Variants in NEK10 observed in about 807,000 individuals in gnomAD.
NEK10 encodes serine/threonine-protein kinase Nek10.
NEK10 carries 122 observed loss-of-function variants against 159.8 expected under a neutral mutation model. The observed-to-expected ratio is 0.76, with a 90% CI of 0.66 to 0.89. The LOEUF is 0.89. Ranked by LOEUF, NEK10 falls within the 40% of genes least tolerant of loss-of-function variation. NEK10 has a pLI of 0.00. For synonymous variants in NEK10, 466 were observed against 457.1 expected (o/e 1.02, Z -0.25); for missense variants, 1,342 against 1,323.1 (o/e 1.01, Z -0.22).
At chr3:27,172,672 C>T (rs1031737788) in intron 28 of NEK10, among the ~76,000 whole-genome samples, 16 of 152,008 alleles carry the variant, frequency 1.1e-4, no homozygotes, top group African/African-American at 1.7e-4. Context: ...CTGAATTACC[C>T]ATACAATGTA....
chr3:27,354,057 A>C (rs2048158819), intron 1 of NEK10, among the ~76,000 whole-genome samples: 1 of 152,210 alleles, frequency 6.6e-6, no homozygotes, highest in Admixed American at 6.5e-5. Context: ...CATTCAAAAT[A>C]AATAGAATCT....
At position 27,305,437 on chromosome 3, in the gene NEK10, T is replaced by A. The variant is rs182774912; in HGVS notation, c.804-466A>T. Among the ~76,000 whole-genome samples the A allele has an allele frequency of 2.0e-3, 300 of 152,068 alleles. 1 individual carries two copies. Among genetic ancestry groups the A allele is most frequent in the African/African-American group, 7.0e-3 (292 of 41,500 alleles). On this transcript the variant is annotated intron_variant, in intron 11 of 35. Coordinates refer to ENST00000691995, the MANE Select transcript of NEK10 (RefSeq NM_001394966.1). ...CACTTGGGAGGCTGAGGCAGAAGAA[T>A]TGCTTGAACCCAGGAGGCAGAGGTT...
chr3:27,337,618 C>A (rs1211994871), intron 5 of NEK10, among the ~76,000 whole-genome samples: 4 of 152,066 alleles, frequency 2.6e-5, no homozygotes, highest in African/African-American at 9.7e-5. Flanking sequence ...ACTGATGGAA[C>A]AGAATAGAGA....
intron 11 of NEK10, among the ~76,000 whole-genome samples, chr3:27,306,438 T>C (rs2044250722): frequency 6.6e-6 from 1 of 152,176 alleles, no homozygotes; most frequent in Non-Finnish European, 1.5e-5. Context: ...CCTTGATAAA[T>C]AGTATTCTTT....
At position 27,192,140 on chromosome 3, in the gene NEK10, C is replaced by A. The variant is rs766212798; in HGVS notation, c.2394G>T (p.Gln798His). The A allele has an allele frequency of 9.3e-6, 15 of 1,614,148 alleles. No individual in the cohort carries two copies. Among genetic ancestry groups the A allele is most frequent in the Admixed American group, 5.0e-5 (3 of 60,022 alleles). ...GTTCTAGCTTCTTTTCCAAGGACAA[C>A]TGGGATGTAGATAAGTTGTCTAAAT... ...MKYLDNLSTSQLSLEKKLERE... is the reference protein window; with the variant it reads ...MKYLDNLSTSHLSLEKKLERE... Residue 798 changes from glutamine to histidine, a missense_variant, in exon 26 of 36, where the codon CAG becomes CAT. Gln to His is a conservative substitution (Grantham distance 24). Transcript: ENST00000691995.
intron 23 of NEK10, among the ~76,000 whole-genome samples, chr3:27,221,606 A>G (rs1388608617): frequency 6.6e-6 from 1 of 152,230 alleles, no homozygotes; most frequent in African/African-American, 2.4e-5. Flanking sequence ...GCAGGCCAAA[A>G]TCCTATGTAT....
intron 22 of NEK10, among the ~76,000 whole-genome samples, chr3:27,259,806 G>A (rs1475212330): frequency 1.3e-5 from 2 of 152,148 alleles, no homozygotes; most frequent in African/African-American, 4.8e-5. Context: ...AAATTACCTT[G>A]GGCAGTATGG....
intron 23 of NEK10, among the ~76,000 whole-genome samples, chr3:27,208,714 A>G (rs746957777): frequency 3.3e-5 from 5 of 152,194 alleles, no homozygotes; most frequent in Non-Finnish European, 5.9e-5. Context: ...ATGTGCAGGA[A>G]GAAATGACAT....
intron 30 of NEK10, among the ~76,000 whole-genome samples, chr3:27,159,073 C>T (rs1945766290): frequency 6.6e-6 from 1 of 152,104 alleles, no homozygotes; most frequent in African/African-American, 2.4e-5. Context: ...ACCTACACAG[C>T]CTAATTTCAT....
chr3:27,150,784 G>C (rs187181812), intron 30 of NEK10, among the ~76,000 whole-genome samples: 2 of 152,282 alleles, frequency 1.3e-5, no homozygotes, highest in Admixed American at 6.5e-5. Context: ...AGCTGCAATA[G>C]ATAGTGATTC....
chr3:27,351,508 A>G (rs2047968050), intron 3 of NEK10, among the ~76,000 whole-genome samples: 1 of 152,138 alleles, frequency 6.6e-6, no homozygotes, highest in African/African-American at 2.4e-5. Context: ...GGGAGTTGTA[A>G]TTATTAAGCA....
chr3:27,353,348 C>T (rs1242833897), intron 1 of NEK10, among the ~76,000 whole-genome samples: 6 of 152,102 alleles, frequency 3.9e-5, no homozygotes, highest in South Asian at 2.1e-4. Context: ...TTCAATGCCA[C>T]GGTTTGACTT....
At chr3:27,224,654 T>G (rs772797245) in intron 23 of NEK10, among the ~76,000 whole-genome samples, 2 of 152,156 alleles carry the variant, frequency 1.3e-5, no homozygotes, top group Non-Finnish European at 2.9e-5. Flanking sequence ...TTCCTTCCCT[T>G]CTTTGTTTCT....
In NEK10 at chr3:27,317,801, A is replaced by T. The variant is rs532091061; in HGVS notation, c.448-3463T>A. On this transcript the variant is annotated intron_variant, in intron 6 of 35. Coordinates refer to ENST00000691995, the MANE Select transcript of NEK10 (RefSeq NM_001394966.1). ...ATAAAGTTTATTTATTTATTTATTT[A>T]TTATTTATTTATTTATTTTGAGACA... Among the ~76,000 whole-genome samples the T allele has an allele frequency of 3.4e-3, 518 of 151,736 alleles. 2 individuals are homozygous for T. Among genetic ancestry groups the T allele is most frequent in the African/African-American group, 0.011 (459 of 41,420 alleles).
chr3:27,132,834 G>A (rs1361025745), intron 31 of NEK10, among the ~76,000 whole-genome samples: 1 of 152,112 alleles, frequency 6.6e-6, no homozygotes, highest in Non-Finnish European at 1.5e-5. Flanking sequence ...GGGAGAGAAA[G>A]AGGAACCAGT....
chr3:27,277,005 A>G (rs151185158), intron 22 of NEK10, among the ~76,000 whole-genome samples: 537 of 152,332 alleles, frequency 3.5e-3, no homozygotes, highest in African/African-American at 0.012. Context: ...TCAACACAAT[A>G]TAAGAAGGCT....
intron 30 of NEK10, among the ~76,000 whole-genome samples, chr3:27,160,483 GTTCTCATT>G (rs1379665983): frequency 6.6e-6 from 1 of 152,148 alleles, no homozygotes; most frequent in Non-Finnish European, 1.5e-5. Flanking sequence ...GAAAAATAAA[GTTCTCATT>G]TTCTGACATG....
At chr3:27,146,843 A>T (rs374346198) in intron 30 of NEK10, among the ~76,000 whole-genome samples, 1 of 152,230 alleles carries the variant, frequency 6.6e-6, no homozygotes, top group Non-Finnish European at 1.5e-5. Flanking sequence ...AGGAGAAGGA[A>T]TAATTCCAGC....
intron 32 of NEK10, among the ~76,000 whole-genome samples, chr3:27,121,350 A>G (rs758189898): frequency 9.2e-5 from 14 of 152,242 alleles, no homozygotes; most frequent in Non-Finnish European, 1.5e-4. Flanking sequence ...CTTCATTCTT[A>G]GAAATTTTCA....
Sources: allele counts gnomAD v4.1 joint callset (sites outside exome capture counted in the v4.1 genomes callset), GRCh38; gene constraint gnomAD v4.1.1; transcripts MANE v1.5; gene names NCBI Gene and HGNC (gene_info 2026-07-23, HGNC 2026-07-21).